COL28A1: variants seen among roughly 807,000 people sequenced by gnomAD.
COL28A1 encodes the protein collagen alpha-1(XXVIII) chain.
COL28A1 carries 161 observed loss-of-function variants against 150.2 expected under a neutral mutation model. The observed-to-expected ratio is 1.07, with a 90% CI of 0.94 to 1.22. The LOEUF (loss-of-function observed/expected upper bound fraction) is 1.22, where lower values mean the gene tolerates loss of function less well. Ranked by LOEUF, COL28A1 falls within the 50% of genes most tolerant of loss-of-function variation. The probability of loss-of-function intolerance (pLI) is 0.00; values close to 1 mark genes in which losing one functional copy is unlikely to be tolerated. For synonymous variants in COL28A1, 552 were observed against 469.7 expected (o/e 1.18, Z -2.26); for missense variants, 1,617 against 1,388.3 (o/e 1.16, Z -2.62).
Position 7,524,207 on chromosome 7 carries a change from A to T in COL28A1, c.702+22T>A, listed in dbSNP as rs749603549. 2.6e-6 allele frequency: 3 copies of T among 1,147,760 alleles called. No homozygotes were observed. The South Asian group carries it at 3.7e-5, about 14-fold the overall frequency. The allele number at this position is 1,147,760 out of a possible 1,614,324, so 71.1% of individuals were successfully genotyped here. A position where few individuals can be genotyped will look rare whatever the true frequency, so the allele number is the denominator to read the frequency against. On this transcript the variant is annotated intron_variant, in intron 4 of 34. Transcript: ENST00000399429. ...GCAAGTGTTTGGAGTAATTCGTAGT[A>T]ATCAAAGCATGTGGTGCTTACCTTC...
chr7:7,521,218 T>A (rs1201841871), intron 5 of COL28A1, among the ~76,000 whole-genome samples: 2 of 152,158 alleles, frequency 1.3e-5, no homozygotes, highest in Admixed American at 1.3e-4. Context: ...TGAAGATAAA[T>A]GTTAAAAAAA....
chr7:7,345,839 T>C, the COL28A1 span, among the ~76,000 whole-genome samples: 1 of 152,082 alleles, frequency 6.6e-6, no homozygotes, highest in Non-Finnish European at 1.5e-5. Context: ...GGTGTTTTGG[T>C]TTTTGTTTAT....
intron 8 of COL28A1, chr7:7,511,856 A>G (rs145229163): frequency 5.1e-5 from 24 of 468,134 alleles, no homozygotes; most frequent in African/African-American, 4.6e-4. Context: ...TGAAAAAACA[A>G]CATTTGAGTT....
chr7:7,531,987 G>T, intron 2 of COL28A1, 83 bp from the exon 3 acceptor site: 1 of 768,506 alleles, frequency 1.3e-6, no homozygotes, highest in Non-Finnish European at 2.2e-6. Context: ...GAAGTGGTGT[G>T]TTGTATATTG....
intron 25 of COL28A1, among the ~76,000 whole-genome samples, chr7:7,427,471 G>A (rs1454609092): frequency 6.6e-6 from 1 of 152,124 alleles, no homozygotes; most frequent in Non-Finnish European, 1.5e-5. Flanking sequence ...GGAGTTCCTT[G>A]TCCAGTCTAT....
In COL28A1 at chr7:7,489,371, A is replaced by G. The variant is rs1476069129; in HGVS notation, c.1164+18T>C. On this transcript the variant is annotated intron_variant, in intron 13 of 34. Coordinates refer to ENST00000399429, the MANE Select transcript of COL28A1 (RefSeq NM_001037763.3). ...TATATTTGTCCTTTTCATTCCATCT[A>G]GAATTTTTGCTACTTACTGGCTGTC... 1.9e-6 allele frequency: 2 copies of G among 1,073,956 alleles called. No homozygotes were observed. Among genetic ancestry groups the G allele is most frequent in the Non-Finnish European group, 2.9e-6 (2 of 685,698 alleles). 66.5% of individuals were successfully genotyped at this position (1,073,956 alleles called of 1,614,324 possible).
In COL28A1 at chr7:7,442,420, C is replaced by A. The variant is rs578243120; in HGVS notation, c.1650+1165G>T. Among the ~76,000 whole-genome samples the A allele has an allele frequency of 1.1e-3, 160 of 152,264 alleles. 1 individual carries two copies. The highest frequency in any genetic ancestry group is 3.4e-3 in the African/African-American group (141 of 41,560). On this transcript the variant is annotated intron_variant, in intron 20 of 34. Coordinates refer to ENST00000399429, the MANE Select transcript of COL28A1 (RefSeq NM_001037763.3). Reference sequence around the variant, plus strand: ...ATTTTCCAAAAACACATCCTAAAAACAATTCTCCTGAATGTTAGCAGATCG... The same window carrying A: ...ATTTTCCAAAAACACATCCTAAAAAAAATTCTCCTGAATGTTAGCAGATCG...
chr7:7,531,581 T>C lies in COL28A1; in HGVS notation c.448A>G (p.Lys150Glu). The C allele has an allele frequency of 6.2e-7, 1 of 1,603,540 alleles. No homozygotes were observed. The highest frequency in any genetic ancestry group is 8.5e-7 in the Non-Finnish European group (1 of 1,170,358). ...ATRLLKREGR[K>E]DGVKVVLLMT... is the part of the protein sequence containing the mutation. ...AGCAAAACCACTTTCACACCATCCT[T>C]ACGCCCTTCTCTCTTAAGTAGCCTA... The change falls in exon 3 of 35, where the codon AAG (lysine) becomes GAG (glutamate). Residue 150 changes from lysine (K) to glutamate (E), a missense_variant. Lys to Glu is a moderately conservative substitution (Grantham distance 56). Transcript: ENST00000399429.
chr7:7,431,492 G>T (rs1784970892), intron 25 of COL28A1: 1 of 470,724 alleles, frequency 2.1e-6, no homozygotes, highest in Admixed American at 2.3e-5. Flanking sequence ...TTTGAGCTAA[G>T]CTTTTAATAA....
chr7:7,456,101 T>C lies in COL28A1; in HGVS notation c.1314A>G (p.Gly438=), dbSNP rs748921425. The change falls in exon 16 of 35, where the codon GGA becomes GGG. Residue 438 remains glycine, a synonymous_variant. Transcript: ENST00000399429. ...CCATTGGTCCTTGGGGTCCCACAGG[T>C]CCTATATCCCCCTGCACAGAAAATA... ...LSIKGEKGDI[G]PVGPQGPMGI... 5.0e-6 allele frequency: 8 copies of C among 1,613,688 alleles called. No homozygotes were observed. The South Asian group carries it at 8.8e-5, about 18-fold the overall frequency.
intron 27 of COL28A1, among the ~76,000 whole-genome samples, chr7:7,408,340 C>T (rs1478037517): frequency 6.6e-6 from 1 of 152,076 alleles, no homozygotes; most frequent in Non-Finnish European, 1.5e-5. Flanking sequence ...GTAAGTAACC[C>T]TGAGCAGGTA....
At position 7,373,129 on chromosome 7, in the gene COL28A1, TTGGTGTCAC is replaced by T; in HGVS notation, c.2768_2776del (p.Ser923_Thr925del). On this transcript the variant is annotated inframe_deletion, in exon 32 of 35. Transcript: ENST00000399429. This position sits in a 1 kb window ranked among gnomAD's most constrained non-coding sequence, Gnocchi z 4.1. ...CACCCCTATCACAAATATCTCCACA[TTGGTGTCAC>T]TGGCATTCTTCACCACCTCTGTCAG... The T allele has an allele frequency of 6.2e-7, 1 of 1,614,224 alleles. No individual in the cohort carries two copies. Among genetic ancestry groups the T allele is most frequent in the Non-Finnish European group, 8.5e-7 (1 of 1,180,024 alleles).
chr7:7,497,493 G>C (rs1780285541), intron 11 of COL28A1, among the ~76,000 whole-genome samples: 1 of 152,118 alleles, frequency 6.6e-6, no homozygotes, highest in Non-Finnish European at 1.5e-5. Context: ...ATAAAATATA[G>C]GACTGGGTTT....
chr7:7,521,845 C>T (rs925607927), intron 5 of COL28A1, 60 bp downstream of exon 5: 44 of 844,290 alleles, frequency 5.2e-5, no homozygotes, highest in Non-Finnish European at 6.5e-5. Context: ...TTTTCAAGAG[C>T]GAGTAGAGCT....
intron 27 of COL28A1, among the ~76,000 whole-genome samples, chr7:7,395,606 A>G (rs745908277): frequency 1.7e-4 from 26 of 152,196 alleles, no homozygotes; most frequent in Non-Finnish European, 3.5e-4. Context: ...CTTCTGGCTA[A>G]CCATCAGTTA....
At chr7:7,403,287 C>A (rs1426384113) in intron 27 of COL28A1, among the ~76,000 whole-genome samples, 1 of 152,016 alleles carries the variant, frequency 6.6e-6, no homozygotes, top group Non-Finnish European at 1.5e-5. Flanking sequence ...CAGATCAAAG[C>A]CGAGGGGAGG....
intron 13 of COL28A1, among the ~76,000 whole-genome samples, chr7:7,482,857 A>G (rs1033793777): frequency 1.3e-5 from 2 of 152,244 alleles, no homozygotes; most frequent in African/African-American, 4.8e-5. Flanking sequence ...ACTCTAGCAT[A>G]TAAGTTAAGC....
intron 15 of COL28A1, among the ~76,000 whole-genome samples, chr7:7,458,666 CA>C (rs1254363377): frequency 1.3e-5 from 2 of 152,116 alleles, no homozygotes. Flanking sequence ...TCTTATGCAT[CA>C]GATATTGTGC....
At chr7:7,455,955 A>G in intron 16 of COL28A1, 89 bp downstream of exon 16, 3 of 1,553,268 alleles carry the variant, frequency 1.9e-6, no homozygotes, top group East Asian at 2.3e-5. Context: ...AAATATACTC[A>G]TAGATGTTTG....
Sources: gnomAD v4.1 joint callset for allele counts (sites outside exome capture counted in the v4.1 genomes callset) on GRCh38, gnomAD v4.1.1 for gene constraint, Gnocchi (gnomAD v3.1) non-coding constraint, MANE v1.5 for transcripts, NCBI Gene and HGNC (gene_info 2026-07-23, HGNC 2026-07-21) for gene names.